Variants in ANK1 observed in about 807,000 individuals in gnomAD.
The protein encoded by ANK1 is ankyrin-1.
A neutral mutation model predicts 210.4 loss-of-function variants in ANK1; 51 were observed. That is an observed-to-expected ratio of 0.24 (90% confidence interval 0.19 to 0.31). ANK1 has a LOEUF of 0.31. Among genes scored for constraint, ANK1 ranks in the 10% least tolerant of loss-of-function variants. ANK1 has a pLI of 1.00. For synonymous variants in ANK1, 967 were observed against 1,025.9 expected, an observed-to-expected ratio of 0.94 and a Z score of 1.10; for missense variants, 2,051 against 2,504.4, an observed-to-expected ratio of 0.82 and a Z score of 3.86.
At chr8:41,854,948 A>C (rs1296583926) in intron 1 of ANK1, among the ~76,000 whole-genome samples, 2 of 124,192 alleles carry the variant, frequency 1.6e-5, no homozygotes, top group Non-Finnish European at 3.4e-5. Flanking sequence ...ACCCTATCTC[A>C]AAAGAAAAAA....
intron 1 of ANK1, among the ~76,000 whole-genome samples, chr8:41,852,774 CT>C (rs1811499141): frequency 6.6e-6 from 1 of 152,236 alleles, no homozygotes; most frequent in Admixed American, 6.5e-5. Flanking sequence ...CCAGGTCTGT[CT>C]GACCTCAAGG....
At chr8:41,695,469 T>C in intron 26 of ANK1, 138 bp from the exon 27 acceptor site, 1 of 1,231,858 alleles carries the variant, frequency 8.1e-7, no homozygotes, top group Non-Finnish European at 1.2e-6. Context: ...TGCAGGCAGG[T>C]CTCTAAGTGG....
At chr8:41,815,499 C>T (rs1315010727) in intron 1 of ANK1, among the ~76,000 whole-genome samples, 2 of 152,112 alleles carry the variant, frequency 1.3e-5, no homozygotes, top group Non-Finnish European at 2.9e-5. Context: ...TTCTTCCCAA[C>T]TTCATGTCCA....
At chr8:41,722,864 G>C (rs1412300013) in intron 9 of ANK1, among the ~76,000 whole-genome samples, 3 of 152,180 alleles carry the variant, frequency 2.0e-5, no homozygotes, top group Non-Finnish European at 4.4e-5. Context: ...TTGAATCATT[G>C]CAACAGGGAC....
chr8:41,791,403 A>G (rs932697318), intron 1 of ANK1, among the ~76,000 whole-genome samples: 9 of 148,886 alleles, frequency 6.0e-5, no homozygotes, highest in Non-Finnish European at 1.2e-4. Context: ...TCCTAACCTC[A>G]GGTGATCCAT....
intron 39 of ANK1, among the ~76,000 whole-genome samples, chr8:41,667,688 G>A (rs993070878): frequency 6.6e-6 from 1 of 152,104 alleles, no homozygotes; most frequent in Non-Finnish European, 1.5e-5. Flanking sequence ...GGGAAATCAG[G>A]AGCAGGAGAG....
intron 37 of ANK1, among the ~76,000 whole-genome samples, chr8:41,680,262 C>T (rs1187018016): frequency 1.3e-5 from 2 of 152,098 alleles, no homozygotes; most frequent in East Asian, 1.9e-4. Context: ...TGGAATTTCA[C>T]CCAAATAAAG....
intron 2 of ANK1, among the ~76,000 whole-genome samples, chr8:41,736,086 C>A (rs1166205961): frequency 6.6e-6 from 1 of 152,162 alleles, no homozygotes; most frequent in Non-Finnish European, 1.5e-5. Flanking sequence ...TGTGTGGATT[C>A]TTCTCACCCG....
intron 1 of ANK1, among the ~76,000 whole-genome samples, chr8:41,768,378 G>A (rs1016296007): frequency 6.6e-6 from 1 of 152,196 alleles, no homozygotes; most frequent in African/African-American, 2.4e-5. Context: ...CTCTCCCGCT[G>A]TCCCCTGACA....
intron 1 of ANK1, among the ~76,000 whole-genome samples, chr8:41,838,003 A>G (rs184658149): frequency 1.5e-3 from 231 of 152,088 alleles, no homozygotes; most frequent in South Asian, 4.0e-3. Flanking sequence ...CTCAGACATC[A>G]CCTCCTCCAC....
chr8:41,895,906 C>T (rs954912898), intron 1 of ANK1, among the ~76,000 whole-genome samples: 5 of 152,068 alleles, frequency 3.3e-5, no homozygotes, highest in Non-Finnish European at 5.9e-5. Context: ...GAGCTGCCCC[C>T]CCCCGGCCCG....
At chr8:41,662,164 G>A (rs1473621315) in intron 40 of ANK1, among the ~76,000 whole-genome samples, 1 of 152,110 alleles carries the variant, frequency 6.6e-6, no homozygotes, top group African/African-American at 2.4e-5. Context: ...GGCTGTGGCA[G>A]GAGAATCACT....
intron 1 of ANK1, among the ~76,000 whole-genome samples, chr8:41,865,422 G>C (rs1814210768): frequency 6.6e-6 from 1 of 151,976 alleles, no homozygotes. Context: ...CTCACAGCTG[G>C]GGCTCAGTAG....
intron 1 of ANK1, among the ~76,000 whole-genome samples, chr8:41,808,917 A>C (rs998723706): frequency 6.6e-6 from 1 of 152,204 alleles, no homozygotes; most frequent in African/African-American, 2.4e-5. Flanking sequence ...TTCCAACCAG[A>C]AAATGAGTGT....
At chr8:41,805,586 T>C (rs1476956934) in intron 1 of ANK1, among the ~76,000 whole-genome samples, 2 of 152,174 alleles carry the variant, frequency 1.3e-5, no homozygotes, top group African/African-American at 2.4e-5. Flanking sequence ...TATCTAGCAA[T>C]ATTTACTATA....
intron 1 of ANK1, among the ~76,000 whole-genome samples, chr8:41,834,421 A>G (rs77586718): frequency 0.023 from 3,555 of 152,348 alleles, 55 homozygotes; most frequent in African/African-American, 0.041. Context: ...TGTCGGAGGC[A>G]GCACTGGGGT....
intron 7 of ANK1, 71 bp downstream of exon 7, chr8:41,724,385 T>C (rs1372071733): frequency 1.2e-5 from 16 of 1,318,298 alleles, no homozygotes; most frequent in African/African-American, 5.9e-5. Flanking sequence ...ATGAAACCCA[T>C]GGTGCCGAGG....
At chr8:41,740,585 C>T (rs1834541732) in intron 2 of ANK1, among the ~76,000 whole-genome samples, 2 of 152,162 alleles carry the variant, frequency 1.3e-5, no homozygotes. Flanking sequence ...GTTTCCTACC[C>T]CTCCCCTGGC....
At chr8:41,740,857 G>A (rs1834617864) in intron 2 of ANK1, among the ~76,000 whole-genome samples, 1 of 152,200 alleles carries the variant, frequency 6.6e-6, no homozygotes, top group African/African-American at 2.4e-5. Flanking sequence ...GCTTCAGCCT[G>A]GGGCCAGGCA....
Sources: allele counts gnomAD v4.1 joint callset (sites outside exome capture counted in the v4.1 genomes callset), GRCh38; gene constraint gnomAD v4.1.1; transcripts MANE v1.5; gene names NCBI Gene and HGNC (gene_info 2026-07-23, HGNC 2026-07-21).